Variants in PRKCE observed in about 807,000 individuals in gnomAD.
PRKCE encodes protein kinase C epsilon, also known as protein kinase C epsilon type.
Under a neutral mutation model 85.4 loss-of-function variants are expected in PRKCE, and 16 were observed. The observed-to-expected ratio is 0.19, with a 90% CI of 0.13 to 0.28. The LOEUF is 0.28. Among genes scored for constraint, PRKCE ranks in the 10% least tolerant of loss-of-function variants. The probability of loss-of-function intolerance (pLI) is 1.00; values close to 1 mark genes in which losing one functional copy is unlikely to be tolerated. For missense variants in PRKCE, 573 were observed against 975.2 expected, an observed-to-expected ratio of 0.59 and a Z score of 5.49; for synonymous variants, 388 against 371.5, an observed-to-expected ratio of 1.04 and a Z score of -0.51.
intron 1 of PRKCE, among the ~76,000 whole-genome samples, chr2:45,683,690 T>G (rs1307707583): frequency 6.6e-6 from 1 of 152,198 alleles, no homozygotes; most frequent in Non-Finnish European, 1.5e-5. Context: ...CTTCTTACCT[T>G]GAACAAGTCA....
chr2:45,772,532 A>G (rs189931281), intron 1 of PRKCE, among the ~76,000 whole-genome samples: 4 of 152,234 alleles, frequency 2.6e-5, no homozygotes, highest in East Asian at 3.9e-4. Flanking sequence ...TCACTATTCA[A>G]TTGACCATCT....
intron 6 of PRKCE, among the ~76,000 whole-genome samples, chr2:45,992,521 C>T (rs1209440362): frequency 6.6e-6 from 1 of 152,218 alleles, no homozygotes; most frequent in Admixed American, 6.5e-5. Flanking sequence ...TGCACAAGCA[C>T]ACAATTTCCC....
intron 6 of PRKCE, among the ~76,000 whole-genome samples, chr2:45,993,138 C>G (rs1047471000): frequency 6.9e-6 from 1 of 145,130 alleles, no homozygotes; most frequent in African/African-American, 2.6e-5. Flanking sequence ...TTGGTGCTCC[C>G]CAGTAGTGTT....
rs115931988 is a variant in PRKCE at position 45,882,034 on chromosome 2, T to A, written c.412+38971T>A. ...TCTGACTGGCCAGGGGGGAAAGGTG[T>A]TTCTGTAGAAAGGCATAAACTAAGC... On this transcript the variant is annotated intron_variant, in intron 2 of 14. Transcript: ENST00000306156. 9.3e-3 allele frequency among the ~76,000 whole-genome samples: 1,414 copies of A among 152,300 alleles called. 27 individuals carry two copies. The highest frequency in any genetic ancestry group is 0.032 in the African/African-American group (1,346 of 41,552).
intron 1 of PRKCE, among the ~76,000 whole-genome samples, chr2:45,809,839 T>C (rs1369614297): frequency 1.3e-5 from 2 of 149,522 alleles, no homozygotes; most frequent in Non-Finnish European, 3.0e-5. Context: ...AAGATCGCAC[T>C]ATTGCACTCC....
chr2:45,998,663 A>T (rs919285096), intron 6 of PRKCE, among the ~76,000 whole-genome samples: 1 of 152,162 alleles, frequency 6.6e-6, no homozygotes, highest in Non-Finnish European at 1.5e-5. Flanking sequence ...GTCAATGATT[A>T]TTGATTATTG....
intron 2 of PRKCE, among the ~76,000 whole-genome samples, chr2:45,930,800 C>T (rs1056352406): frequency 6.6e-6 from 1 of 152,108 alleles, no homozygotes; most frequent in Non-Finnish European, 1.5e-5. Context: ...TAAGAGTTGG[C>T]TTTAGGAAGT....
At chr2:45,844,653 T>C (rs1691632948) in intron 2 of PRKCE, among the ~76,000 whole-genome samples, 6 of 152,196 alleles carry the variant, frequency 3.9e-5, no homozygotes. Flanking sequence ...GCAAAATCAA[T>C]CCCCTTTTTT....
chr2:46,052,525 C>T (rs1232770689), intron 10 of PRKCE, among the ~76,000 whole-genome samples: 1 of 152,136 alleles, frequency 6.6e-6, no homozygotes. Flanking sequence ...AAAAACATTC[C>T]ATGTTTGTGG....
At chr2:45,748,537 C>T (rs1055278900) in intron 1 of PRKCE, among the ~76,000 whole-genome samples, 12 of 152,204 alleles carry the variant, frequency 7.9e-5, no homozygotes, top group South Asian at 6.2e-4. Context: ...TCCTTCTGCA[C>T]GTTTAGATCT....
At chr2:45,751,766 AC>A (rs1383522089) in intron 1 of PRKCE, among the ~76,000 whole-genome samples, 1 of 117,642 alleles carries the variant, frequency 8.5e-6, no homozygotes, top group Non-Finnish European at 1.8e-5. Context: ...CCATAACCCC[AC>A]CCCCAGTGCT....
intron 8 of PRKCE, among the ~76,000 whole-genome samples, chr2:46,005,033 C>G (rs892257189): frequency 1.3e-5 from 2 of 152,160 alleles, no homozygotes; most frequent in Non-Finnish European, 2.9e-5. Context: ...TTTGACACTC[C>G]CTCCCCCATC....
At chr2:46,006,661 A>G (rs13423410) in intron 8 of PRKCE, among the ~76,000 whole-genome samples, 17,481 of 152,268 alleles carry the variant, frequency 0.11, 1,548 homozygotes, top group African/African-American at 0.24. Flanking sequence ...GCGTGTCTTG[A>G]TGAATGAGTT....
At chr2:45,704,521 G>A (rs998313518) in intron 1 of PRKCE, among the ~76,000 whole-genome samples, 4 of 152,166 alleles carry the variant, frequency 2.6e-5, no homozygotes, top group African/African-American at 9.7e-5. Context: ...GGTTTCCTTA[G>A]CCCAGTGTTA....
chr2:45,771,286 G>C (rs1180840939), intron 1 of PRKCE, among the ~76,000 whole-genome samples: 1 of 152,228 alleles, frequency 6.6e-6, no homozygotes, highest in Non-Finnish European at 1.5e-5. Context: ...GGAGCGAGCA[G>C]CATCTGTTTA....
intron 12 of PRKCE, among the ~76,000 whole-genome samples, chr2:46,150,042 G>C (rs1676463840): frequency 6.6e-6 from 1 of 151,864 alleles, no homozygotes; most frequent in Admixed American, 6.6e-5. Flanking sequence ...AAGAGACAGG[G>C]TCTTACCATG....
At chr2:46,125,270 A>G (rs1180243622) in intron 11 of PRKCE, among the ~76,000 whole-genome samples, 1 of 152,172 alleles carries the variant, frequency 6.6e-6, no homozygotes, top group African/African-American at 2.4e-5. Flanking sequence ...GGAAGGGAAA[A>G]TAGGCGTCAT....
chr2:45,953,960 C>T (rs912541431), intron 2 of PRKCE, among the ~76,000 whole-genome samples: 1 of 152,154 alleles, frequency 6.6e-6, no homozygotes, highest in African/African-American at 2.4e-5. Context: ...TTCACAAAAG[C>T]TGTCTATTTT....
At chr2:45,886,202 A>G (rs997800948) in intron 2 of PRKCE, among the ~76,000 whole-genome samples, 6 of 152,196 alleles carry the variant, frequency 3.9e-5, no homozygotes, top group Non-Finnish European at 5.9e-5. Context: ...AAGTGCTTGC[A>G]GGACTGTCCT....
Sources: gnomAD v4.1 joint callset for allele counts (sites outside exome capture counted in the v4.1 genomes callset) on GRCh38, gnomAD v4.1.1 for gene constraint, MANE v1.5 for transcripts, NCBI Gene and HGNC (gene_info 2026-07-23, HGNC 2026-07-21) for gene names.